ALPK2: variants seen among roughly 807,000 people sequenced by gnomAD.
ALPK2 encodes the protein alpha-protein kinase 2.
Under a neutral mutation model 163.1 loss-of-function variants are expected in ALPK2, and 127 were observed. That is an observed-to-expected ratio of 0.78 (90% CI 0.67 to 0.90). ALPK2 has a LOEUF of 0.90. Among genes scored for constraint, ALPK2 ranks in the 40% least tolerant of loss-of-function variants. The pLI, the probability that ALPK2 is intolerant of heterozygous loss-of-function variation, is 0.00. For missense variants in ALPK2, 2,360 were observed against 2,589.6 expected, an observed-to-expected ratio of 0.91 and a Z score of 1.92; for synonymous variants, 953 against 959.1, an observed-to-expected ratio of 0.99 and a Z score of 0.12.
At chr18:58,575,577 G>C (rs934254885) in intron 4 of ALPK2, among the ~76,000 whole-genome samples, 1 of 152,226 alleles carries the variant, frequency 6.6e-6, no homozygotes, top group Non-Finnish European at 1.5e-5. Context: ...GGGTGAGGAT[G>C]ATCTTACCCT....
intron 3 of ALPK2, among the ~76,000 whole-genome samples, chr18:58,588,156 A>G (rs2051996543): frequency 6.6e-6 from 1 of 152,238 alleles, no homozygotes; most frequent in Non-Finnish European, 1.5e-5. Context: ...TGGGGTATTA[A>G]CAGGGCTACT....
intron 11 of ALPK2, among the ~76,000 whole-genome samples, chr18:58,503,068 CAAAT>C (rs915699125): frequency 2.0e-5 from 3 of 152,248 alleles, no homozygotes; most frequent in Admixed American, 6.5e-5. Flanking sequence ...GATCCCCTCT[CAAAT>C]AAGCCATTTG....
chr18:58,492,541 A>G (rs971233698), intron 12 of ALPK2, among the ~76,000 whole-genome samples: 1 of 152,008 alleles, frequency 6.6e-6, no homozygotes, highest in Non-Finnish European at 1.5e-5. Flanking sequence ...CAACCCTCTC[A>G]GCCATCCCTG....
chr18:58,483,122 C>T (rs1032365763), intron 12 of ALPK2, among the ~76,000 whole-genome samples: 2 of 152,162 alleles, frequency 1.3e-5, no homozygotes. Context: ...CTTGAGATGT[C>T]CAAGGGTCCT....
chr18:58,580,170 A>G lies in ALPK2; in HGVS notation c.606T>C (p.Ala202=), dbSNP rs1250905386. 1.2e-6 allele frequency: 2 copies of G among 1,614,244 alleles called. No homozygotes were observed. The highest frequency in any genetic ancestry group is 1.1e-5 in the South Asian group (1 of 91,082). ...TTTCTTCTGTGTTACTTGGATCATAAGCCTCTCCAGTGTGCCTTGTTCCTT... is the reference window on the plus strand; with the variant it reads ...TTTCTTCTGTGTTACTTGGATCATAGGCCTCTCCAGTGTGCCTTGTTCCTT... ...GVKGTRHTGE[A]YDPSNTEEIA... Residue 202 remains alanine (A), a synonymous_variant, in exon 4 of 13, where the codon GCT becomes GCC. Transcript: ENST00000361673.
At chr18:58,569,106 C>T (rs942726564) in intron 4 of ALPK2, among the ~76,000 whole-genome samples, 1 of 152,110 alleles carries the variant, frequency 6.6e-6, no homozygotes, top group Non-Finnish European at 1.5e-5. Flanking sequence ...CTCAGCTGCT[C>T]GTGAGCCTGA....
chr18:58,580,839 G>C (rs994386410), intron 3 of ALPK2: 1 of 386,210 alleles, frequency 2.6e-6, no homozygotes, highest in Non-Finnish European at 4.7e-6. Context: ...GCCATGGCAG[G>C]GTCAGGACAT....
In ALPK2 at chr18:58,504,030, A is replaced by C. The variant is rs1316185675; in HGVS notation, c.6148T>G (p.Phe2050Val). Residue 2050 changes from phenylalanine to valine, a missense_variant, in exon 11 of 13, where the codon TTC becomes GTC. Transcript: ENST00000361673. ...CCAGCTTCTGATTCTCTTCTCAAGA[A>C]GTTTATTTCTTTCCCATCCCTGATG... The part of the protein sequence containing the change: ...YSIRDGKEIN[F>V]LRRESEAGQK... 1.1e-5 allele frequency: 17 copies of C among 1,614,236 alleles called. No individual in the cohort carries two copies. The highest frequency in any genetic ancestry group is 1.4e-5 in the Non-Finnish European group (16 of 1,180,040).
intron 8 of ALPK2, among the ~76,000 whole-genome samples, chr18:58,521,862 G>A (rs552424081): frequency 5.3e-5 from 8 of 151,862 alleles, no homozygotes; most frequent in African/African-American, 9.7e-5. Flanking sequence ...TCTTGACCTC[G>A]TGATCCCACT....
intron 4 of ALPK2, chr18:58,538,456 G>A (rs918778379): frequency 2.1e-6 from 1 of 474,082 alleles, no homozygotes; most frequent in Non-Finnish European, 3.7e-6. Context: ...ATCATTATAA[G>A]CAAAAAGCCT....
intron 10 of ALPK2, among the ~76,000 whole-genome samples, chr18:58,505,703 C>T (rs2051458470): frequency 1.3e-5 from 2 of 152,164 alleles, no homozygotes; most frequent in South Asian, 2.1e-4. Flanking sequence ...GCTGTAGACT[C>T]GCTGTCTCCA....
intron 4 of ALPK2, among the ~76,000 whole-genome samples, chr18:58,545,876 C>T (rs1327284976): frequency 6.6e-6 from 1 of 152,156 alleles, no homozygotes; most frequent in Non-Finnish European, 1.5e-5. Context: ...GTTGTAGCCT[C>T]CCCCACGGAT....
At chr18:58,595,343 G>A (rs1035701737) in intron 3 of ALPK2, among the ~76,000 whole-genome samples, 2 of 152,160 alleles carry the variant, frequency 1.3e-5, no homozygotes, top group Non-Finnish European at 2.9e-5. Context: ...TGTAACCTTA[G>A]GGTCTAGAAC....
At chr18:58,621,535 T>G (rs1181523646) in intron 1 of ALPK2, among the ~76,000 whole-genome samples, 1 of 152,142 alleles carries the variant, frequency 6.6e-6, no homozygotes, top group East Asian at 1.9e-4. Flanking sequence ...CCTCCCAAAG[T>G]GCTGGGATTA....
At chr18:58,567,341 G>T (rs1000604724) in intron 4 of ALPK2, among the ~76,000 whole-genome samples, 2 of 151,972 alleles carry the variant, frequency 1.3e-5, no homozygotes, top group Non-Finnish European at 2.9e-5. Flanking sequence ...CCGAGATTGC[G>T]CCACTGCAGT....
chr18:58,546,404 G>A (rs1179491804), intron 4 of ALPK2, among the ~76,000 whole-genome samples: 3 of 152,164 alleles, frequency 2.0e-5, no homozygotes, highest in African/African-American at 7.2e-5. Flanking sequence ...GGGAGTCTTT[G>A]CCTGGTGACA....
chr18:58,501,617 T>C (rs983491606), intron 11 of ALPK2, among the ~76,000 whole-genome samples: 1 of 152,152 alleles, frequency 6.6e-6, no homozygotes, highest in Non-Finnish European at 1.5e-5. Context: ...TAAATTGTTA[T>C]TTGTGGAAAG....
chr18:58,534,361 G>A (rs1267365899), intron 5 of ALPK2, among the ~76,000 whole-genome samples: 1 of 152,134 alleles, frequency 6.6e-6, no homozygotes, highest in Non-Finnish European at 1.5e-5. Flanking sequence ...GATTAAAGAG[G>A]AGAATCCCAA....
chr18:58,535,718 G>T lies in ALPK2; in HGVS notation c.4469C>A (p.Ala1490Asp). 1 of 1,614,240 alleles carries T rather than the reference G, an allele frequency of 6.2e-7. No individual in the cohort carries two copies. The highest frequency in any genetic ancestry group is 8.5e-7 in the Non-Finnish European group (1 of 1,180,042). Reference protein sequence around the residue: ...EQIQPEEAKTAIWQVLQPSEG... With the variant: ...EQIQPEEAKTDIWQVLQPSEG... ...GCTGGGTTGCAGGACTTGCCAAATG[G>T]CAGTTTTTGCCTCCTCAGGTTGAAT... The change falls in exon 5 of 13, where the codon GCC (alanine) becomes GAC (aspartate). Residue 1490 changes from alanine to aspartate, a missense_variant. Coordinates refer to ENST00000361673, the MANE Select transcript of ALPK2 (RefSeq NM_052947.4).
Sources: allele counts gnomAD v4.1 joint callset (sites outside exome capture counted in the v4.1 genomes callset), GRCh38; gene constraint gnomAD v4.1.1; transcripts MANE v1.5; gene names NCBI Gene and HGNC (gene_info 2026-07-23, HGNC 2026-07-21).